The following ROBO2 variants were observed in gnomAD, a reference collection of about 807,000 sequenced individuals.
ROBO2 encodes roundabout guidance receptor 2.
Under a neutral mutation model 160.8 loss-of-function variants are expected in ROBO2, and 53 were observed. That is an observed-to-expected ratio of 0.33 (90% CI 0.26 to 0.41). The LOEUF is 0.41. Among genes scored for constraint, ROBO2 ranks in the 10% least tolerant of loss-of-function variants. The pLI is 1.00. For missense variants in ROBO2, 1,577 were observed against 1,722.4 expected (o/e 0.92, Z 1.49); for synonymous variants, 664 against 611.7 (o/e 1.09, Z -1.26).
intron 2 of ROBO2, among the ~76,000 whole-genome samples, chr3:77,426,280 G>A (rs62249804): frequency 0.079 from 11,959 of 152,118 alleles, 548 homozygotes; most frequent in African/African-American, 0.11. Context: ...AAGGAGAATC[G>A]ATGGGTTTCT....
intron 2 of ROBO2, among the ~76,000 whole-genome samples, chr3:77,111,542 T>A (rs1255952628): frequency 6.6e-6 from 1 of 152,232 alleles, no homozygotes; most frequent in Non-Finnish European, 1.5e-5. Context: ...TTCAAATTCA[T>A]GTATTTACTG....
At chr3:77,412,167 T>C (rs1187181670) in intron 2 of ROBO2, among the ~76,000 whole-genome samples, 2 of 152,156 alleles carry the variant, frequency 1.3e-5, no homozygotes, top group Non-Finnish European at 2.9e-5. Context: ...ATCATTTGAT[T>C]AAAGTGAGGA....
intron 1 of ROBO2, among the ~76,000 whole-genome samples, chr3:75,924,685 T>TC (rs1460414773): frequency 9.1e-6 from 1 of 110,348 alleles, no homozygotes; most frequent in African/African-American, 3.5e-5. Flanking sequence ...TCTTTTCTTT[T>TC]TTTTTTTTTT....
intron 23 of ROBO2, chr3:77,632,927 G>A (rs574427522): frequency 4.1e-4 from 109 of 269,060 alleles, no homozygotes; most frequent in Non-Finnish European, 6.5e-4. Context: ...TTTATATTAC[G>A]GCAAAGCAGC....
intron 2 of ROBO2, among the ~76,000 whole-genome samples, chr3:76,422,989 T>A (rs529605838): frequency 3.7e-4 from 56 of 152,200 alleles, no homozygotes; most frequent in African/African-American, 1.1e-3. Flanking sequence ...CCTAAAGATG[T>A]AGGCGGAGGT....
chr3:77,358,152 T>G (rs569840221), intron 2 of ROBO2, among the ~76,000 whole-genome samples: 1 of 152,236 alleles, frequency 6.6e-6, no homozygotes, highest in South Asian at 2.1e-4. Context: ...TCAGAATAAT[T>G]CTGGAGTCTA....
intron 2 of ROBO2, among the ~76,000 whole-genome samples, chr3:77,452,988 A>G (rs1029338415): frequency 6.6e-6 from 1 of 152,102 alleles, no homozygotes; most frequent in African/African-American, 2.4e-5. Flanking sequence ...AGTGTCTTCT[A>G]ATCTCATGTC....
At chr3:77,144,191 C>T (rs1225026460) in intron 2 of ROBO2, among the ~76,000 whole-genome samples, 1 of 152,066 alleles carries the variant, frequency 6.6e-6, no homozygotes, top group East Asian at 1.9e-4. Context: ...AACCAGTTTA[C>T]TCTCCCTTTT....
chr3:76,164,917 AT>A (rs2072769193), intron 2 of ROBO2, among the ~76,000 whole-genome samples: 2 of 152,164 alleles, frequency 1.3e-5, no homozygotes, highest in Admixed American at 6.5e-5. Context: ...AACAAAACCA[AT>A]TCAAAGCCAA....
intron 2 of ROBO2, among the ~76,000 whole-genome samples, chr3:77,347,265 A>C (rs1402374066): frequency 6.6e-6 from 1 of 152,150 alleles, no homozygotes; most frequent in Non-Finnish European, 1.5e-5. Flanking sequence ...TCAAAGGTTC[A>C]TAAAGCAAAA....
At chr3:77,144,652 G>A (rs2076980294) in intron 2 of ROBO2, among the ~76,000 whole-genome samples, 1 of 152,120 alleles carries the variant, frequency 6.6e-6, no homozygotes, top group Admixed American at 6.6e-5. Flanking sequence ...ACATTGGAAA[G>A]GACTCTACTG....
Position 77,402,878 on chromosome 3 carries a change from T to C in ROBO2, c.389-74536T>C, listed in dbSNP as rs529135391. 3.8e-4 allele frequency among the ~76,000 whole-genome samples: 58 copies of C among 152,212 alleles called. No individual in the cohort carries two copies. In the Middle Eastern group the frequency reaches 0.017, roughly 45 times the overall value. ...ACTTGGCCCTCTTACAAGTGTACTT[T>C]ACTTTCTTTCATTCCTGCTCTAAAG... On this transcript the variant is annotated intron_variant, in intron 2 of 25. Coordinates refer to ENST00000461745, the Ensembl canonical transcript of ROBO2.
intron 2 of ROBO2, among the ~76,000 whole-genome samples, chr3:76,223,151 G>A (rs927402995): frequency 2.6e-5 from 4 of 151,518 alleles, no homozygotes; most frequent in Admixed American, 2.6e-4. Flanking sequence ...TATATTAATG[G>A]TACACTTCCT....
intron 2 of ROBO2, among the ~76,000 whole-genome samples, chr3:76,415,792 A>G (rs1170228371): frequency 1.3e-5 from 2 of 152,206 alleles, no homozygotes; most frequent in South Asian, 4.1e-4. Flanking sequence ...CCCACTTATA[A>G]AAAAATGAAA....
intron 2 of ROBO2, among the ~76,000 whole-genome samples, chr3:76,881,764 G>A (rs1015106341): frequency 2.0e-5 from 3 of 152,178 alleles, no homozygotes; most frequent in African/African-American, 4.8e-5. Context: ...CCCAGACGTG[G>A]CATCTAAATG....
At chr3:77,301,512 ATATT>A (rs1301951571) in intron 2 of ROBO2, among the ~76,000 whole-genome samples, 5 of 152,210 alleles carry the variant, frequency 3.3e-5, no homozygotes, top group Non-Finnish European at 7.3e-5. Flanking sequence ...AGCAGTCTAT[ATATT>A]TATTCAATTA....
chr3:77,317,359 C>A (rs2064112360), intron 2 of ROBO2: 6 of 888,226 alleles, frequency 6.8e-6, no homozygotes, highest in South Asian at 5.7e-5. Flanking sequence ...ACGCTCATCT[C>A]GGTGCCTAGT....
chr3:77,031,936 T>G (rs560902266), intron 2 of ROBO2, among the ~76,000 whole-genome samples: 1 of 152,100 alleles, frequency 6.6e-6, no homozygotes, highest in Admixed American at 6.6e-5. Context: ...TAGCAGATTC[T>G]GTGTCTGGTG....
intron 2 of ROBO2, among the ~76,000 whole-genome samples, chr3:77,014,412 G>A (rs920961816): frequency 3.3e-5 from 5 of 152,178 alleles, no homozygotes; most frequent in Non-Finnish European, 5.9e-5. Flanking sequence ...CCAGGGCTAT[G>A]CTTGAATAGA....
Sources: gnomAD v4.1 joint callset for allele counts (sites outside exome capture counted in the v4.1 genomes callset) on GRCh38, gnomAD v4.1.1 for gene constraint, MANE v1.5 for transcripts, NCBI Gene and HGNC (gene_info 2026-07-23, HGNC 2026-07-21) for gene names.